STARD3NL: variants seen among roughly 807,000 people sequenced by gnomAD.
STARD3NL encodes the protein STARD3 N-terminal like.
Under a neutral mutation model 30.9 loss-of-function variants are expected in STARD3NL, and 17 were observed. The ratio of observed to expected loss-of-function variants is 0.55; its 90% confidence interval spans 0.38 to 0.82. The LOEUF is 0.82. STARD3NL is among the 40% of genes least tolerant of loss of function. STARD3NL has a pLI of 0.00. For synonymous variants in STARD3NL, 112 were observed against 100.5 expected, an observed-to-expected ratio of 1.11 and a Z score of -0.69; for missense variants, 234 against 277.6, an observed-to-expected ratio of 0.84 and a Z score of 1.12.
intron 1 of STARD3NL, among the ~76,000 whole-genome samples, chr7:38,196,941 G>A (rs980086016): frequency 6.6e-5 from 10 of 152,088 alleles, no homozygotes; most frequent in African/African-American, 1.9e-4. Flanking sequence ...AAATGTCAAC[G>A]TAATTGTAAT....
At chr7:38,206,387 A>G (rs1785486565) in intron 1 of STARD3NL, among the ~76,000 whole-genome samples, 1 of 152,348 alleles carries the variant, frequency 6.6e-6, no homozygotes, top group Non-Finnish European at 1.5e-5. Flanking sequence ...AGCCAGGAGT[A>G]TATAATCCCA....
chr7:38,217,963 G>A (rs1786221729), intron 6 of STARD3NL, among the ~76,000 whole-genome samples: 1 of 152,262 alleles, frequency 6.6e-6, no homozygotes, highest in Admixed American at 6.5e-5. Flanking sequence ...CATGAATCCT[G>A]CCAAAGCTGC....
intron 1 of STARD3NL, among the ~76,000 whole-genome samples, chr7:38,204,863 C>A (rs373485383): frequency 0.012 from 1,895 of 151,928 alleles, 42 homozygotes; most frequent in African/African-American, 0.043. Context: ...AACACCTCTA[C>A]GCAAATAAAC....
intron 2 of STARD3NL, among the ~76,000 whole-genome samples, chr7:38,212,007 A>G (rs1030294508): frequency 1.1e-4 from 17 of 151,732 alleles, no homozygotes; most frequent in Admixed American, 5.2e-4. Context: ...CACTGTTTCC[A>G]GCTTCAACCA....
intron 7 of STARD3NL, among the ~76,000 whole-genome samples, chr7:38,226,030 T>C (rs1786740191): frequency 6.6e-6 from 1 of 152,232 alleles, no homozygotes; most frequent in Non-Finnish European, 1.5e-5. Context: ...TTGATTGATA[T>C]GCTTGATGTC....
In STARD3NL at chr7:38,215,129, G is replaced by A. The variant is rs771792326; in HGVS notation, c.381+24G>A. ...CGGTGAGTATGCCCTGCATGAGTGG[G>A]TCATCTCCTCCAGTGCTGGTGGCCA... On this transcript the variant is annotated intron_variant, in intron 4 of 8. Transcript: ENST00000009041. 2.5e-6 allele frequency: 4 copies of A among 1,611,246 alleles called. No individual in the cohort carries two copies. In the African/African-American group the frequency reaches 5.3e-5, roughly 22 times the overall value.
intron 1 of STARD3NL, among the ~76,000 whole-genome samples, chr7:38,194,644 A>G (rs964158324): frequency 1.3e-5 from 2 of 152,000 alleles, no homozygotes; most frequent in African/African-American, 4.8e-5. Flanking sequence ...CTTTTTAAAT[A>G]TTTTTATCTC....
chr7:38,179,942 G>A (rs1230417509), intron 1 of STARD3NL, among the ~76,000 whole-genome samples: 1 of 152,220 alleles, frequency 6.6e-6, no homozygotes, highest in Non-Finnish European at 1.5e-5. Context: ...CATGTTCCAG[G>A]GACAGAGGGA....
chr7:38,223,712 G>A (rs188407424), intron 7 of STARD3NL, among the ~76,000 whole-genome samples: 55 of 150,528 alleles, frequency 3.7e-4, no homozygotes, highest in African/African-American at 1.3e-3. Context: ...GAATAGATTC[G>A]AAACACAGCT....
intron 7 of STARD3NL, among the ~76,000 whole-genome samples, chr7:38,226,768 C>T (rs1326965567): frequency 1.3e-5 from 2 of 152,172 alleles, no homozygotes; most frequent in Non-Finnish European, 2.9e-5. Flanking sequence ...TTTGTCACTT[C>T]ACTGTCAGTG....
At chr7:38,228,712 T>A in intron 7 of STARD3NL, 87 bp from the exon 8 acceptor site, 1 of 1,123,068 alleles carries the variant, frequency 8.9e-7, no homozygotes. Context: ...TGTGTATATG[T>A]TATAATTTTA....
intron 1 of STARD3NL, among the ~76,000 whole-genome samples, chr7:38,206,035 T>C (rs1003597655): frequency 1.3e-5 from 2 of 152,314 alleles, no homozygotes; most frequent in Middle Eastern, 6.8e-3. Context: ...TACCACCACA[T>C]TGTTAAAAAG....
At chr7:38,183,624 C>A (rs966584179) in intron 1 of STARD3NL, among the ~76,000 whole-genome samples, 3 of 152,010 alleles carry the variant, frequency 2.0e-5, no homozygotes, top group African/African-American at 7.3e-5. Flanking sequence ...AGAAAGATTA[C>A]CAATTTAGTT....
At chr7:38,214,990 A>T in intron 3 of STARD3NL, 38 bp from the exon 4 acceptor site, 1 of 1,569,170 alleles carries the variant, frequency 6.4e-7, no homozygotes, top group Non-Finnish European at 8.8e-7. Flanking sequence ...ATTTTTGTAT[A>T]TATTTTTTAA....
intron 1 of STARD3NL, among the ~76,000 whole-genome samples, chr7:38,197,156 C>CTTTCTTTCTTTCTTTA (rs1784949818): frequency 6.9e-6 from 1 of 145,124 alleles, no homozygotes; most frequent in Non-Finnish European, 1.5e-5. Context: ...TTCTTTCTTT[C>CTTTCTTTCTTTCTTTA]TTTCTTTCTT....
At chr7:38,214,154 T>G (rs574216055) in intron 2 of STARD3NL, among the ~76,000 whole-genome samples, 1 of 152,262 alleles carries the variant, frequency 6.6e-6, no homozygotes, top group African/African-American at 2.4e-5. Context: ...CATTTATATC[T>G]GTTGAGTGAA....
intron 7 of STARD3NL, among the ~76,000 whole-genome samples, chr7:38,220,662 G>A (rs560819604): frequency 1.3e-5 from 2 of 152,372 alleles, no homozygotes; most frequent in East Asian, 3.9e-4. Context: ...GGAAATGAAA[G>A]CAGAGACCAC....
intron 1 of STARD3NL, among the ~76,000 whole-genome samples, chr7:38,185,289 G>T (rs949496816): frequency 1.3e-5 from 2 of 152,176 alleles, no homozygotes; most frequent in Non-Finnish European, 2.9e-5. Flanking sequence ...GACTTTCCCT[G>T]TCTGTCACAT....
chr7:38,202,211 T>C (rs1195096449), intron 1 of STARD3NL: 1 of 152,230 alleles, frequency 6.6e-6, no homozygotes, highest in Non-Finnish European at 1.5e-5. Flanking sequence ...AGAATGCTTT[T>C]AATTTGGGAG....
Sources: allele counts gnomAD v4.1 joint callset (sites outside exome capture counted in the v4.1 genomes callset), GRCh38; gene constraint gnomAD v4.1.1; transcripts MANE v1.5; gene names NCBI Gene and HGNC (gene_info 2026-07-23, HGNC 2026-07-21).